Variants in SHROOM2 observed in about 807,000 individuals in gnomAD.
SHROOM2 encodes protein Shroom2.
SHROOM2 carries 33 observed loss-of-function variants against 75.9 expected under a neutral mutation model. That is an observed-to-expected ratio of 0.43 (90% CI 0.33 to 0.58). The LOEUF (loss-of-function observed/expected upper bound fraction) is 0.58, where lower values mean the gene tolerates loss of function less well. SHROOM2 is among the 20% of genes least tolerant of loss of function. The probability of loss-of-function intolerance (pLI) is 0.04; values close to 1 mark genes in which losing one functional copy is unlikely to be tolerated. For synonymous variants in SHROOM2, 655 were observed against 663.6 expected (o/e 0.99, Z 0.20); for missense variants, 1,434 against 1,461.2 (o/e 0.98, Z 0.30).
At chrX:9,874,084 C>T (rs1051862480) in intron 2 of SHROOM2, among the ~76,000 whole-genome samples, 11 of 112,308 alleles carry the variant, frequency 9.8e-5, no homozygotes, top group African/African-American at 3.6e-4. Context: ...AGGCAGAAAA[C>T]GGTGCTTATG....
chrX:9,863,165 G>A (rs2084113974), intron 1 of SHROOM2, among the ~76,000 whole-genome samples: 1 of 111,166 alleles, frequency 9.0e-6, no homozygotes, highest in Admixed American at 9.6e-5. Flanking sequence ...CACCTGCCCA[G>A]GGCACATTCC....
chrX:9,821,684 T>C (rs933463856), intron 1 of SHROOM2, among the ~76,000 whole-genome samples: 2 of 112,349 alleles, frequency 1.8e-5, no homozygotes, highest in Non-Finnish European at 3.7e-5. Flanking sequence ...TTGAGAAATA[T>C]ACCGTATGAT....
At chrX:9,891,896 C>T (rs1223034539) in intron 3 of SHROOM2, among the ~76,000 whole-genome samples, 4 of 107,416 alleles carry the variant, frequency 3.7e-5, no homozygotes, top group Non-Finnish European at 7.7e-5. Context: ...TGTGTGTGCG[C>T]GTGCGTGCAC....
At chrX:9,819,649 A>G (rs996496520) in intron 1 of SHROOM2, among the ~76,000 whole-genome samples, 1 of 111,479 alleles carries the variant, frequency 9.0e-6, no homozygotes, top group Non-Finnish European at 1.9e-5. Flanking sequence ...TGTTTCCCCA[A>G]TACAGGTACT....
At chrX:9,854,883 G>GCA (rs2084058852) in intron 1 of SHROOM2, among the ~76,000 whole-genome samples, 1 of 111,067 alleles carries the variant, frequency 9.0e-6, no homozygotes, top group East Asian at 2.8e-4. Context: ...GGAGTAAACG[G>GCA]CACACGTAAT....
intron 1 of SHROOM2, among the ~76,000 whole-genome samples, chrX:9,822,193 G>C (rs1273884968): frequency 2.7e-5 from 3 of 111,398 alleles, no homozygotes; most frequent in African/African-American, 9.8e-5. Flanking sequence ...CCTCACCTCT[G>C]AGTGGGTGAA....
chrX:9,853,576 C>CT (rs1254298645), intron 1 of SHROOM2, among the ~76,000 whole-genome samples: 3 of 111,481 alleles, frequency 2.7e-5, no homozygotes, highest in Non-Finnish European at 5.7e-5. Context: ...CCAATCTCTG[C>CT]TTCCGTCTCC....
intron 1 of SHROOM2, among the ~76,000 whole-genome samples, chrX:9,846,631 T>C (rs1026677927): frequency 3.6e-5 from 4 of 112,272 alleles, no homozygotes; most frequent in Non-Finnish European, 7.5e-5. Flanking sequence ...GGTCTTGATA[T>C]GTTGCCCAGG....
Position 9,895,712 on chromosome X carries a change from C to T in SHROOM2, c.1804C>T (p.Pro602Ser). Residue 602 changes from proline to serine, a missense_variant, in exon 4 of 10, where the codon CCA (proline) becomes TCA (serine). This residue lies in a region of SHROOM2 where 1,340 missense variants were observed against 1,338.3 expected (regional missense o/e 1.00). Coordinates refer to ENST00000380913, the MANE Select transcript of SHROOM2 (RefSeq NM_001649.4). Reference sequence around the variant, plus strand: ...GGGGAAGCGCCGGCCTGAGAGCAGTCCAGAGGACAGCGCCACCAGACCGCC... The same window carrying T: ...GGGGAAGCGCCGGCCTGAGAGCAGTTCAGAGGACAGCGCCACCAGACCGCC... ...QEGKRRPESS[P>S]EDSATRPPPF... 8.4e-7 allele frequency: 1 copy of T among 1,193,436 alleles called. No individual in the cohort carries two copies.
At chrX:9,796,931 C>T (rs2083698000) in intron 1 of SHROOM2, among the ~76,000 whole-genome samples, 1 of 112,025 alleles carries the variant, frequency 8.9e-6, no homozygotes, top group Admixed American at 9.5e-5. Context: ...TGATGTGAGC[C>T]ACTGTTCCTG....
chrX:9,802,990 G>A (rs1173472795), intron 1 of SHROOM2, among the ~76,000 whole-genome samples: 1 of 106,133 alleles, frequency 9.4e-6, no homozygotes, highest in Non-Finnish European at 1.9e-5. Flanking sequence ...GTGCAGTGGC[G>A]TGATCACAGT....
intron 1 of SHROOM2, among the ~76,000 whole-genome samples, chrX:9,845,758 A>C (rs974516198): frequency 5.6e-5 from 6 of 106,207 alleles, no homozygotes; most frequent in Non-Finnish European, 1.1e-4. Flanking sequence ...GTTGAGAAAC[A>C]TAATTCCTGG....
At chrX:9,830,581 T>TTTC in intron 1 of SHROOM2, among the ~76,000 whole-genome samples, 1 of 48,433 alleles carries the variant, frequency 2.1e-5, no homozygotes, top group East Asian at 8.7e-4. Context: ...GAACCCCTGG[T>TTTC]TTCTTTTTTT....
chrX:9,941,414 C>T (rs2084767302), intron 8 of SHROOM2, among the ~76,000 whole-genome samples: 1 of 112,536 alleles, frequency 8.9e-6, no homozygotes, highest in Non-Finnish European at 1.9e-5. Context: ...AGCCACTGAT[C>T]TGTTCACTGT....
chrX:9,917,661 C>T (rs986982893), intron 5 of SHROOM2, among the ~76,000 whole-genome samples: 1 of 111,365 alleles, frequency 9.0e-6, no homozygotes, highest in African/African-American at 3.3e-5. Flanking sequence ...GCTGGGATTA[C>T]AAGCATGCGC....
At chrX:9,924,503 C>T (rs2084575924) in intron 5 of SHROOM2, among the ~76,000 whole-genome samples, 1 of 110,047 alleles carries the variant, frequency 9.1e-6, no homozygotes, top group South Asian at 3.9e-4. Flanking sequence ...CTAAAGGTGC[C>T]CACCACCATG....
At chrX:9,931,221 G>A (rs1004512589) in intron 5 of SHROOM2, among the ~76,000 whole-genome samples, 2 of 110,380 alleles carry the variant, frequency 1.8e-5, no homozygotes, top group African/African-American at 3.3e-5. Context: ...TAAGCTGAGA[G>A]CAGAGGAGGC....
intron 1 of SHROOM2, among the ~76,000 whole-genome samples, chrX:9,872,470 C>T (rs1487370786): frequency 1.8e-5 from 2 of 111,352 alleles, no homozygotes; most frequent in African/African-American, 3.3e-5. Context: ...GAGGCTGAGG[C>T]AGGAGAATTG....
chrX:9,862,438 C>A (rs940520899), intron 1 of SHROOM2, among the ~76,000 whole-genome samples: 1 of 109,567 alleles, frequency 9.1e-6, no homozygotes, highest in East Asian at 2.9e-4. Context: ...GAGTAGGGAG[C>A]CACCCCCGGC....
Sources: allele counts gnomAD v4.1 joint callset (sites outside exome capture counted in the v4.1 genomes callset), GRCh38; gene constraint gnomAD v4.1.1; regional missense constraint gnomAD v4.1.1; transcripts MANE v1.5; gene names NCBI Gene and HGNC (gene_info 2026-07-23, HGNC 2026-07-21).